Variants in CCDC43 observed in about 807,000 individuals in gnomAD.
CCDC43 encodes the protein coiled-coil domain containing 43, also known as coiled-coil domain-containing protein 43.
A neutral mutation model predicts 33.3 loss-of-function variants in CCDC43; 20 were observed. The ratio of observed to expected loss-of-function variants is 0.60; its 90% CI spans 0.42 to 0.87. CCDC43 has a LOEUF of 0.87. Among genes scored for constraint, CCDC43 ranks in the 40% least tolerant of loss-of-function variants. The pLI, the probability that CCDC43 is intolerant of heterozygous loss-of-function variation, is 0.00. For synonymous variants in CCDC43, 104 were observed against 106.5 expected (o/e 0.98, Z 0.14); for missense variants, 248 against 269.9 (o/e 0.92, Z 0.57).
At chr17:44,683,651 A>G (rs1018031356) in intron 2 of CCDC43, among the ~76,000 whole-genome samples, 4 of 152,220 alleles carry the variant, frequency 2.6e-5, no homozygotes, top group East Asian at 1.9e-4. Context: ...AAAAACCACA[A>G]TGAAGAAAAC....
At chr17:44,685,617 T>C (rs1349840897) in intron 1 of CCDC43, among the ~76,000 whole-genome samples, 1 of 152,184 alleles carries the variant, frequency 6.6e-6, no homozygotes, top group Non-Finnish European at 1.5e-5. Flanking sequence ...AACAAGCATC[T>C]AATAAACACG....
Position 44,679,041 on chromosome 17 carries a change from G to T in CCDC43, c.490C>A (p.Leu164Met). The T allele has an allele frequency of 6.2e-7, 1 of 1,613,066 alleles. No homozygotes were observed. The highest frequency in any genetic ancestry group is 1.1e-5 in the South Asian group (1 of 90,994). The change falls in exon 5 of 5, where the codon CTG (leucine) becomes ATG (methionine). Residue 164 changes from leucine to methionine, a missense_variant and splice_region_variant. Leu to Met is a conservative substitution (Grantham distance 15). Transcript: ENST00000315286. ...TTMNIGSDKL[L>M]FRNTNVEDVL... ...TCTTCCACATTGGTGTTTCGGAACA[G>T]AACTACAGGTGAGTTAAGGGATTAG...
At chr17:44,686,044 G>C (rs527412766) in intron 1 of CCDC43, among the ~76,000 whole-genome samples, 1 of 152,158 alleles carries the variant, frequency 6.6e-6, no homozygotes, top group Non-Finnish European at 1.5e-5. Flanking sequence ...CTCCCAAGCA[G>C]CTGGGACTAC....
At chr17:44,685,046 A>G (rs1175838780) in intron 1 of CCDC43, among the ~76,000 whole-genome samples, 1 of 152,154 alleles carries the variant, frequency 6.6e-6, no homozygotes, top group Non-Finnish European at 1.5e-5. Flanking sequence ...TTGGCCCCCT[A>G]AAGTGTTGGG....
At position 44,680,629 on chromosome 17, in the gene CCDC43, T is replaced by G. The variant is rs1321778352; in HGVS notation, c.443A>C (p.Lys148Thr). ...CATTGTGGTAGCACCTGAATCATCCTTCTCATCTGCTTCAGTAAGTGATGT... is the reference window on the plus strand; with the variant it reads ...CATTGTGGTAGCACCTGAATCATCCGTCTCATCTGCTTCAGTAAGTGATGT... ...VTDEEDEADE[K>T]DDSGATTMNI... Residue 148 changes from lysine (K) to threonine (T), a missense_variant, in exon 4 of 5, where the codon AAG becomes ACG. By Grantham distance (78) the Lys-to-Thr change is moderately conservative. Transcript: ENST00000315286. The G allele has an allele frequency of 6.2e-7, 1 of 1,608,806 alleles. No homozygotes were observed. The highest frequency in any genetic ancestry group is 8.5e-7 in the Non-Finnish European group (1 of 1,175,610).
intron 1 of CCDC43, among the ~76,000 whole-genome samples, chr17:44,688,763 C>A (rs1332136247): frequency 1.3e-5 from 2 of 152,154 alleles, no homozygotes; most frequent in Admixed American, 1.3e-4. Context: ...CTGTAATAAC[C>A]AGTCTAATAA....
intron 2 of CCDC43, among the ~76,000 whole-genome samples, chr17:44,683,362 C>G (rs1319449853): frequency 2.0e-5 from 3 of 152,040 alleles, no homozygotes; most frequent in Admixed American, 1.3e-4. Flanking sequence ...ATCCCCATCT[C>G]TACTAAAAAC....
chr17:44,689,280 C>T (rs1972286229), intron 1 of CCDC43: 2 of 509,856 alleles, frequency 3.9e-6, no homozygotes, highest in African/African-American at 3.8e-5. Flanking sequence ...CGGAAGAACC[C>T]TCCTCGGCTC....
At chr17:44,686,669 A>G (rs1245913850) in intron 1 of CCDC43, among the ~76,000 whole-genome samples, 1 of 152,220 alleles carries the variant, frequency 6.6e-6, no homozygotes, top group Non-Finnish European at 1.5e-5. Context: ...TATCCTACTT[A>G]CAATGCTCCT....
chr17:44,684,058 T>C, intron 1 of CCDC43, 99 bp from the exon 2 acceptor site: 1 of 759,056 alleles, frequency 1.3e-6, no homozygotes, highest in Non-Finnish European at 2.3e-6. Flanking sequence ...CTCCATGCTG[T>C]GAAATTATGG....
intron 1 of CCDC43, among the ~76,000 whole-genome samples, chr17:44,686,806 C>G (rs1330944848): frequency 1.3e-5 from 2 of 152,156 alleles, no homozygotes. Flanking sequence ...GCCCCAAGCA[C>G]TTAGGGTAGT....
Position 44,683,895 on chromosome 17 carries a change from A to T in CCDC43, c.269T>A (p.Val90Asp), listed in dbSNP as rs746312553. ...ACCTTCTTTTTTCACTTTGGTGACA[A>T]CATTCTGAGTTTCTGACCATCGTTC... ...IVERWSETQN[V>D]VTKVKKEDEV... Residue 90 changes from valine to aspartate, a missense_variant, in exon 2 of 5, where the codon GTT (valine) becomes GAT (aspartate). Transcript: ENST00000315286. 3 of 1,613,046 alleles carry T rather than the reference A, an allele frequency of 1.9e-6. No homozygotes were observed. The highest frequency in any genetic ancestry group is 2.5e-6 in the Non-Finnish European group (3 of 1,179,020).
Position 44,689,540 on chromosome 17 carries a change from G to A in CCDC43, c.204+10C>T, listed in dbSNP as rs752347327. 4 of 1,613,912 alleles carry A rather than the reference G, an allele frequency of 2.5e-6. No individual in the cohort carries two copies. Among genetic ancestry groups the A allele is most frequent in the African/African-American group, 1.3e-5 (1 of 75,060 alleles). ...GCCAGAGGCTGAAGGAATGTGTCCA[G>A]GCTACTCACCAGGAAAGCAGAGAGG... On this transcript the variant is annotated intron_variant, in intron 1 of 4. Transcript: ENST00000315286.
At chr17:44,688,584 C>T (rs1342213529) in intron 1 of CCDC43, among the ~76,000 whole-genome samples, 1 of 152,190 alleles carries the variant, frequency 6.6e-6, no homozygotes, top group Non-Finnish European at 1.5e-5. Context: ...ACAGGTGGCT[C>T]TCACAGTAGC....
At chr17:44,681,720 A>G (rs1972165620) in intron 3 of CCDC43, 5 of 377,196 alleles carry the variant, frequency 1.3e-5, no homozygotes, top group Non-Finnish European at 2.4e-5. Context: ...TTACAGCTAT[A>G]TTGTATTTTC....
intron 4 of CCDC43, among the ~76,000 whole-genome samples, chr17:44,680,258 G>A (rs1323582157): frequency 6.6e-6 from 1 of 152,142 alleles, no homozygotes; most frequent in Non-Finnish European, 1.5e-5. Flanking sequence ...AAAGTGCCAG[G>A]ACTACAGGTG....
intron 1 of CCDC43, 39 bp downstream of exon 1, chr17:44,689,511 G>A: frequency 2.5e-6 from 4 of 1,613,168 alleles, no homozygotes; most frequent in Non-Finnish European, 3.4e-6. Flanking sequence ...GTCCTCAGAT[G>A]CTGGCCAGAG....
In CCDC43 at chr17:44,679,060, G is replaced by A. The variant is rs371046788; in HGVS notation, c.488-17C>T. 39 of 1,607,388 alleles carry A rather than the reference G, an allele frequency of 2.4e-5. No homozygotes were observed. The highest frequency in any genetic ancestry group is 1.7e-5 in the Admixed American group (1 of 59,774). On this transcript the variant is annotated splice_polypyrimidine_tract_variant and intron_variant, in intron 4 of 4. Transcript: ENST00000315286. ...GGAACAGAACTACAGGTGAGTTAAG[G>A]GATTAGGGTACAGGTCACACAGATC...
intron 1 of CCDC43, 50 bp downstream of exon 1, chr17:44,689,500 G>A (rs748314607): frequency 1.3e-5 from 21 of 1,611,444 alleles, no homozygotes; most frequent in Non-Finnish European, 1.7e-5. Context: ...AGTACTGACA[G>A]GTCCTCAGAT....
Sources: gnomAD v4.1 joint callset for allele counts (sites outside exome capture counted in the v4.1 genomes callset) on GRCh38, gnomAD v4.1.1 for gene constraint, MANE v1.5 for transcripts, NCBI Gene and HGNC (gene_info 2026-07-23, HGNC 2026-07-21) for gene names.